PAK6: variants seen among roughly 807,000 people sequenced by gnomAD.
PAK6 encodes the protein p21 (RAC1) activated kinase 6, also known as serine/threonine-protein kinase PAK 6.
In PAK6, 33 loss-of-function variants were observed where a neutral mutation model predicts 60.8. The observed-to-expected ratio is 0.54, with a 90% CI of 0.41 to 0.73. The LOEUF (loss-of-function observed/expected upper bound fraction) is 0.73. PAK6 is among the 30% of genes least tolerant of loss of function. The probability of loss-of-function intolerance (pLI) is 0.00; values close to 1 mark genes in which losing one functional copy is unlikely to be tolerated. For synonymous variants in PAK6, 404 were observed against 378.5 expected, an observed-to-expected ratio of 1.07 and a Z score of -0.78; for missense variants, 845 against 904.1, an observed-to-expected ratio of 0.93 and a Z score of 0.84.
At chr15:40,253,046 C>G in intron 2 of PAK6, 132 bp from the exon 3 acceptor site, 1 of 388,162 alleles carries the variant, frequency 2.6e-6, no homozygotes, top group Middle Eastern at 6.3e-4. Flanking sequence ...CCGCCTCTTG[C>G]ACCTGAGCCA....
chr15:40,270,259 C>T (rs1039431514), intron 5 of PAK6, among the ~76,000 whole-genome samples: 18 of 152,154 alleles, frequency 1.2e-4, no homozygotes, highest in Admixed American at 2.6e-4. Context: ...CATGGCCATG[C>T]GCCCTCCACC....
intron 3 of PAK6, 161 bp from the exon 4 acceptor site, chr15:40,264,620 C>T: frequency 1.5e-6 from 1 of 656,388 alleles, no homozygotes; most frequent in South Asian, 1.8e-5. Flanking sequence ...TGGGAGCCAG[C>T]CATTTCCCTG....
At chr15:40,277,195 T>C (rs543774235) in exon 11 of PAK6, 49 of 152,416 alleles carry the variant, frequency 3.2e-4, no homozygotes, top group African/African-American at 1.2e-3. Flanking sequence ...GTGCAAACCA[T>C]CTGCCCCAGC....
chr15:40,241,677 T>C (rs948407051), intron 2 of PAK6, among the ~76,000 whole-genome samples: 2 of 152,150 alleles, frequency 1.3e-5, no homozygotes, highest in East Asian at 3.9e-4. Context: ...GTGTGGGGAC[T>C]GCACGGCCTC....
chr15:40,249,421 T>C lies in PAK6; in HGVS notation c.-117-3757T>C, dbSNP rs1389198065. 5.3e-5 allele frequency among the ~76,000 whole-genome samples: 8 copies of C among 152,234 alleles called. No individual in the cohort carries two copies. The South Asian group carries it at 1.0e-3, about 20-fold the overall frequency. ...TCATTTGTAAAATGCGAATAATAAT[T>C]GTACAGGACTTCCATCCCAGGGTTC... On this transcript the variant is annotated intron_variant, in intron 2 of 10. Transcript: ENST00000560346.
intron 9 of PAK6, 28 bp from the exon 10 acceptor site, chr15:40,274,114 T>C: frequency 1.2e-6 from 2 of 1,613,408 alleles, no homozygotes; most frequent in East Asian, 2.2e-5. Context: ...GGTCTGGCCA[T>C]GGGGTCAGGG....
intron 2 of PAK6, among the ~76,000 whole-genome samples, chr15:40,247,684 C>T (rs2038532050): frequency 6.6e-6 from 1 of 152,162 alleles, no homozygotes; most frequent in Admixed American, 6.5e-5. Context: ...CAGGGCACAT[C>T]TGTACAGCAG....
At position 40,244,666 on chromosome 15, in the gene PAK6, G is replaced by A. The variant is rs1035169514; in HGVS notation, c.-118+3985G>A. Among the ~76,000 whole-genome samples, 7 of 152,130 alleles carry A rather than the reference G, an allele frequency of 4.6e-5. No individual in the cohort carries two copies. The South Asian group carries it at 8.3e-4, about 18-fold the overall frequency. ...GCCGACCTCAGCCTCCCAAAGTGCT[G>A]GGATTACAGATGTGAGCCACCACAC... is the stretch of plus-strand genomic sequence containing the variant. On this transcript the variant is annotated intron_variant, in intron 2 of 10. Transcript: ENST00000560346.
chr15:40,261,356 G>C (rs921313941), intron 3 of PAK6, among the ~76,000 whole-genome samples: 5 of 151,602 alleles, frequency 3.3e-5, no homozygotes, highest in African/African-American at 1.2e-4. Flanking sequence ...GGCCAACATG[G>C]TGAAACCCCA....
intron 5 of PAK6, among the ~76,000 whole-genome samples, chr15:40,268,486 T>TTCC (rs960287603): frequency 2.6e-5 from 4 of 152,156 alleles, no homozygotes; most frequent in African/African-American, 9.7e-5. Flanking sequence ...AGCATCAGCC[T>TTCC]TCCTCCTCCT....
chr15:40,252,376 C>A, intron 2 of PAK6: 1 of 1,319,046 alleles, frequency 7.6e-7, no homozygotes, highest in Non-Finnish European at 1.0e-6. Flanking sequence ...GGCCAGGGCC[C>A]GGAGGCGAAG....
At chr15:40,267,785 T>G (rs1027355247) in intron 5 of PAK6, among the ~76,000 whole-genome samples, 1 of 152,164 alleles carries the variant, frequency 6.6e-6, no homozygotes, top group Non-Finnish European at 1.5e-5. Context: ...CGAGCATCTG[T>G]GAGCTGCAGG....
At chr15:40,243,005 C>T (rs1053965636) in intron 2 of PAK6, among the ~76,000 whole-genome samples, 3 of 152,154 alleles carry the variant, frequency 2.0e-5, no homozygotes, top group African/African-American at 7.2e-5. Flanking sequence ...GAGCGTGGGG[C>T]CAACCGCGCC....
intron 5 of PAK6, 61 bp downstream of exon 5, chr15:40,266,556 T>G: frequency 6.9e-7 from 1 of 1,458,312 alleles, no homozygotes; most frequent in Non-Finnish European, 9.1e-7. Flanking sequence ...ACACAGGCCT[T>G]GCCTAGCCTT....
chr15:40,248,909 C>G (rs1230717971), intron 2 of PAK6, among the ~76,000 whole-genome samples: 1 of 152,208 alleles, frequency 6.6e-6, no homozygotes, highest in Non-Finnish European at 1.5e-5. Flanking sequence ...GGGTCGGATA[C>G]ACTTCCGTTC....
chr15:40,268,835 C>T (rs533972638), intron 5 of PAK6, among the ~76,000 whole-genome samples: 15 of 152,248 alleles, frequency 9.9e-5, no homozygotes, highest in African/African-American at 3.6e-4. Flanking sequence ...AAGCACCTAC[C>T]GTGTACTCCG....
rs773982331 is a variant in PAK6, at chr15:40,272,282, C to G, written c.917C>G (p.Ala306Gly). Residue 306 changes from alanine to glycine, a missense_variant, in exon 6 of 11, where the codon GCC (alanine) becomes GGC (glycine). Coordinates refer to ENST00000560346, the Ensembl canonical transcript of PAK6. ...AACCCCCCAAGCCTGGTGGCCAAGG[C>G]CCAGTCCTTGCCCTCGGACCAGCCG... The G allele has an allele frequency of 6.2e-7, 1 of 1,613,866 alleles. No individual in the cohort carries two copies. Among genetic ancestry groups the G allele is most frequent in the African/African-American group, 1.3e-5 (1 of 74,946 alleles).
intron 2 of PAK6, among the ~76,000 whole-genome samples, chr15:40,242,453 C>G (rs989485479): frequency 2.6e-5 from 4 of 152,210 alleles, no homozygotes; most frequent in African/African-American, 9.7e-5. Context: ...GTGCCTGAGA[C>G]CTGAGCAGCA....
At position 40,273,247 on chromosome 15, in the gene PAK6, G is replaced by A. The variant is rs538531391; in HGVS notation, c.1491-99G>A. 46 of 1,415,594 alleles carry A rather than the reference G, an allele frequency of 3.2e-5. No homozygotes were observed. In the African/African-American group the frequency reaches 6.4e-4, roughly 20 times the overall value. 87.7% of individuals were successfully genotyped at this position (1,415,594 alleles called of 1,614,324 possible). On this transcript the variant is annotated intron_variant, in intron 7 of 10. Coordinates refer to ENST00000560346, the Ensembl canonical transcript of PAK6. ...CTGCCAAACAGATTGCCTGGGAGCT[G>A]TGGGGCCTAGCACCAGGGACTCCTA...
Sources: allele counts gnomAD v4.1 joint callset (sites outside exome capture counted in the v4.1 genomes callset), GRCh38; gene constraint gnomAD v4.1.1; transcripts MANE v1.5; gene names NCBI Gene and HGNC (gene_info 2026-07-23, HGNC 2026-07-21).